Variants in PROK2 observed in about 807,000 individuals in gnomAD.
PROK2 encodes the protein prokineticin-2.
A neutral mutation model predicts 14.2 loss-of-function variants in PROK2; 8 were observed. The observed-to-expected ratio is 0.56, with a 90% CI of 0.33 to 1.02. The LOEUF is 1.02. PROK2 is among the 50% of genes least tolerant of loss of function. The pLI is 0.03. For missense variants in PROK2, 154 were observed against 160.4 expected (o/e 0.96, Z 0.22); for synonymous variants, 59 against 60.7 (o/e 0.97, Z 0.13).
chr3:71,781,382 CGTTACCCA>C (rs1490853342), intron 2 of PROK2, 77 bp downstream of exon 2: 8 of 1,526,518 alleles, frequency 5.2e-6, no homozygotes, highest in Non-Finnish European at 6.4e-6. Flanking sequence ...TTGTCGAGCA[CGTTACCCA>C]GTCCTTCATG....
chr3:71,773,364 A>T (rs1312756827), intron 3 of PROK2, among the ~76,000 whole-genome samples: 1 of 152,156 alleles, frequency 6.6e-6, no homozygotes, highest in Non-Finnish European at 1.5e-5. Flanking sequence ...TACCCATTTT[A>T]CCGATGAGAG....
At chr3:71,776,783 C>T (rs148767746) in intron 2 of PROK2, among the ~76,000 whole-genome samples, 17 of 152,146 alleles carry the variant, frequency 1.1e-4, no homozygotes, top group African/African-American at 3.9e-4. Flanking sequence ...AGCTAACAGG[C>T]GTCTCATAAT....
chr3:71,776,938 G>A (rs1018365432), intron 2 of PROK2, among the ~76,000 whole-genome samples: 1 of 152,166 alleles, frequency 6.6e-6, no homozygotes, highest in East Asian at 1.9e-4. Flanking sequence ...AGAAGTTACC[G>A]AGGCAGAACA....
At chr3:71,776,484 G>A (rs1381619141) in intron 2 of PROK2, among the ~76,000 whole-genome samples, 1 of 143,498 alleles carries the variant, frequency 7.0e-6, no homozygotes, top group Admixed American at 7.5e-5. Context: ...TTCAAGTGAT[G>A]CTCCCACCTC....
Position 71,772,586 on chromosome 3 carries a change from T to A in PROK2, c.*138A>T, listed in dbSNP as rs2050088149. On this transcript the variant is annotated 3_prime_UTR_variant, in exon 4 of 4. Transcript: ENST00000295619. Reference sequence around the variant, plus strand: ...AAAAAAAAAAAAAATCATTTACAAATCAAAGATAAAAATGTTACTTGGAAA... The same window carrying A: ...AAAAAAAAAAAAAATCATTTACAAAACAAAGATAAAAATGTTACTTGGAAA... 1.3e-6 allele frequency: 1 copy of A among 741,154 alleles called. No homozygotes were observed. The highest frequency in any genetic ancestry group is 2.3e-6 in the Non-Finnish European group (1 of 433,336). 45.9% of individuals were successfully genotyped at this position (741,154 alleles called of 1,614,324 possible). A position where few individuals can be genotyped will look rare whatever the true frequency, so the allele number is the denominator to read the frequency against.
At position 71,782,397 on chromosome 3, in the gene PROK2, T is replaced by C. The variant is rs367831949; in HGVS notation, c.97-805A>G. On this transcript the variant is annotated intron_variant, in intron 1 of 3. Transcript: ENST00000295619. ...CAATTGTCAATAGTAATTACTCAAG[T>C]CACCTGCTTTCAATATAAAAGTTGT... Among the ~76,000 whole-genome samples the C allele has an allele frequency of 2.6e-5, 4 of 152,286 alleles. No individual in the cohort carries two copies. In the East Asian group the frequency reaches 7.7e-4, roughly 29 times the overall value.
intron 2 of PROK2, among the ~76,000 whole-genome samples, chr3:71,778,560 T>C (rs375437384): frequency 1.3e-5 from 2 of 151,304 alleles, no homozygotes; most frequent in East Asian, 3.9e-4. Flanking sequence ...GGCTAATGAC[T>C]AAGCTGAAAC....
rs546894113 is a variant in PROK2, at chr3:71,778,054, G to A, written c.222+3413C>T. The stretch of plus-strand genomic sequence containing the variant: ...ACGAAAAATACCAAAAACATTAGCC[G>A]GGCGTGGTTGTGGGCGCCTGTAGTC... On this transcript the variant is annotated intron_variant, in intron 2 of 3. Transcript: ENST00000295619. 2.4e-4 allele frequency among the ~76,000 whole-genome samples: 36 copies of A among 152,020 alleles called. No homozygotes were observed. In the South Asian group the frequency reaches 3.9e-3, roughly 17 times the overall value.
chr3:71,785,073 G>A lies in PROK2; in HGVS notation c.-21C>T, dbSNP rs1347528074. ...CTCATGGCGCCCTCGGGACTGGGCG[G>A]CCGCCGGAGGCAGTTGGGGGCGCGG... is the stretch of plus-strand genomic sequence containing the variant. On this transcript the variant is annotated 5_prime_UTR_variant, in exon 1 of 4. Coordinates refer to ENST00000295619, the MANE Select transcript of PROK2 (RefSeq NM_001126128.2). 8 of 1,226,790 alleles carry A rather than the reference G, an allele frequency of 6.5e-6. No homozygotes were observed. Among genetic ancestry groups the A allele is most frequent in the African/African-American group, 4.7e-5 (3 of 64,010 alleles). 76.0% of individuals were successfully genotyped at this position (1,226,790 alleles called of 1,614,324 possible).
chr3:71,776,369 T>G (rs1221430235), intron 2 of PROK2, among the ~76,000 whole-genome samples: 1 of 69,346 alleles, frequency 1.4e-5, no homozygotes, highest in African/African-American at 6.0e-5. Context: ...TTTTCATTTT[T>G]TTTTTTTTTT....
intron 3 of PROK2, 139 bp from the exon 4 acceptor site, chr3:71,772,967 A>G (rs2050092068): frequency 5.5e-6 from 4 of 723,806 alleles, no homozygotes; most frequent in Non-Finnish European, 9.6e-6. Context: ...TATGCTCAGT[A>G]CTTTTTATTT....
chr3:71,779,938 T>C (rs1458714147), intron 2 of PROK2, among the ~76,000 whole-genome samples: 6 of 152,122 alleles, frequency 3.9e-5, no homozygotes, highest in South Asian at 4.1e-4. Context: ...AAGGAGAAAG[T>C]TAAGAGTAAA....
chr3:71,778,063 T>G (rs1444879908), intron 2 of PROK2, among the ~76,000 whole-genome samples: 2 of 151,810 alleles, frequency 1.3e-5, no homozygotes, highest in Admixed American at 6.6e-5. Context: ...CGGGCGTGGT[T>G]GTGGGCGCCT....
chr3:71,775,224 G>GC (rs1559624782), intron 2 of PROK2, among the ~76,000 whole-genome samples: 1 of 152,112 alleles, frequency 6.6e-6, no homozygotes, highest in Non-Finnish European at 1.5e-5. Flanking sequence ...CCTATAATGA[G>GC]CATGTTAAAC....
intron 1 of PROK2, 62 bp from the exon 2 acceptor site, chr3:71,781,654 C>T (rs1249390748): frequency 3.3e-6 from 5 of 1,530,314 alleles, no homozygotes; most frequent in Non-Finnish European, 4.5e-6. Context: ...CTAAGGAAAC[C>T]TAAAATTAGC....
At chr3:71,773,532 T>C (rs75897043) in intron 3 of PROK2, among the ~76,000 whole-genome samples, 2,339 of 152,316 alleles carry the variant, frequency 0.015, 58 homozygotes, top group African/African-American at 0.054. Flanking sequence ...TATCCTATCA[T>C]TGAAGCTCCT....
chr3:71,772,408 T>TATCAAATA lies in PROK2; in HGVS notation c.*315_*316insTATTTGAT. 1 of 299,086 alleles carries TATCAAATA rather than the reference T, an allele frequency of 3.3e-6. No homozygotes were observed. Among genetic ancestry groups the TATCAAATA allele is most frequent in the Non-Finnish European group, 6.2e-6 (1 of 161,218 alleles). 18.5% of individuals were successfully genotyped at this position (299,086 alleles called of 1,614,324 possible). A position where few individuals can be genotyped will look rare whatever the true frequency, so the allele number is the denominator to read the frequency against. On this transcript the variant is annotated 3_prime_UTR_variant, in exon 4 of 4. Transcript: ENST00000295619. Reference sequence around the variant, plus strand: ...AAAGTTTTTCTAACAAAATATCAAATTCTTATTTTCCTCATTTTTGTGAAA... The same window carrying TATCAAATA: ...AAAGTTTTTCTAACAAAATATCAAATATCAAATATCTTATTTTCCTCATTTTTGTGAAA...
In PROK2 at chr3:71,784,983, C is replaced by G. The variant is rs587777863; in HGVS notation, c.70G>C (p.Ala24Pro). The change falls in exon 1 of 4, where the codon GCT becomes CCT. Residue 24 changes from alanine to proline, a missense_variant. Transcript: ENST00000295619. ...LLPPLLLTPRAGDAAVITGAC... is the reference protein window; with the variant it reads ...LLPPLLLTPRPGDAAVITGAC... Reference sequence around the variant, plus strand: ...CCGGTGATCACGGCGGCGTCCCCAGCGCGGGGCGTGAGCAGCAGCGGCGGC... The same window carrying G: ...CCGGTGATCACGGCGGCGTCCCCAGGGCGGGGCGTGAGCAGCAGCGGCGGC... 1.2e-5 allele frequency: 15 copies of G among 1,249,706 alleles called. No individual in the cohort carries two copies. Among genetic ancestry groups the G allele is most frequent in the Non-Finnish European group, 1.5e-5 (15 of 994,902 alleles). The allele number at this position is 1,249,706 out of a possible 1,614,324, so 77.4% of individuals were successfully genotyped here.
In PROK2 at chr3:71,779,230, A is replaced by T. The variant is rs553207893; in HGVS notation, c.222+2237T>A. ...AAACAAACCAGTTTTGGTTAATTGG[A>T]CTACAAAGTGTTCAAATTAAACCCA... is the stretch of plus-strand genomic sequence containing the variant. On this transcript the variant is annotated intron_variant, in intron 2 of 3. Transcript: ENST00000295619. Among the ~76,000 whole-genome samples the T allele has an allele frequency of 6.7e-3, 1,019 of 152,334 alleles. 5 individuals are homozygous for T. Among genetic ancestry groups the T allele is most frequent in the Non-Finnish European group, 0.011 (760 of 68,032 alleles).
Sources: gnomAD v4.1 joint callset for allele counts (sites outside exome capture counted in the v4.1 genomes callset) on GRCh38, gnomAD v4.1.1 for gene constraint, MANE v1.5 for transcripts, NCBI Gene and HGNC (gene_info 2026-07-23, HGNC 2026-07-21) for gene names.